The following ZNF592 variants were observed in gnomAD, a reference collection of about 807,000 sequenced individuals.
ZNF592 encodes zinc finger protein 592.
Under a neutral mutation model 80.3 loss-of-function variants are expected in ZNF592, and 11 were observed. The ratio of observed to expected loss-of-function variants is 0.14; its 90% CI spans 0.09 to 0.23. ZNF592 has a LOEUF of 0.23. ZNF592 is among the 10% of genes least tolerant of loss of function. The pLI is 1.00. For synonymous variants in ZNF592, 646 were observed against 640.3 expected (o/e 1.01, Z -0.13); for missense variants, 1,420 against 1,633.9 (o/e 0.87, Z 2.26).
At position 84,802,152 on chromosome 15, in the gene ZNF592, A is replaced by AGGC. The variant is rs1272831224; in HGVS notation, c.3570_3572dup (p.Ala1192dup). 1 of 1,603,832 alleles carries AGGC rather than the reference A, an allele frequency of 6.2e-7. No homozygotes were observed. The highest frequency in any genetic ancestry group is 8.5e-7 in the Non-Finnish European group (1 of 1,172,632). On this transcript the variant is annotated inframe_insertion, in exon 11 of 11. Coordinates refer to ENST00000560079, the MANE Select transcript of ZNF592 (RefSeq NM_014630.3). ...GACCAGGAGGAGGAGGAGGAAGAGGAGGCGGCGGCAGCGGAGATGGCAGTG... is the reference window on the plus strand; with the variant it reads ...GACCAGGAGGAGGAGGAGGAAGAGGAGGCGGCGGCGGCAGCGGAGATGGCAGTG...
intron 2 of ZNF592, among the ~76,000 whole-genome samples, chr15:84,771,537 A>C (rs968124947): frequency 6.6e-6 from 1 of 152,184 alleles, no homozygotes; most frequent in African/African-American, 2.4e-5. Flanking sequence ...ATTGGAATGC[A>C]TCCTCCATGA....
At chr15:84,796,586 T>C (rs1486138700) in intron 5 of ZNF592, among the ~76,000 whole-genome samples, 1 of 151,972 alleles carries the variant, frequency 6.6e-6, no homozygotes, top group Non-Finnish European at 1.5e-5. Flanking sequence ...TATTATTCTC[T>C]GATATCGATA....
At chr15:84,779,312 C>A (rs1340649646) in intron 3 of ZNF592, among the ~76,000 whole-genome samples, 2 of 151,916 alleles carry the variant, frequency 1.3e-5, no homozygotes, top group African/African-American at 4.8e-5. Context: ...TGATTAATTT[C>A]TATTTAAAAA....
chr15:84,769,597 C>T (rs1270114652), intron 2 of ZNF592, among the ~76,000 whole-genome samples: 1 of 151,064 alleles, frequency 6.6e-6, no homozygotes, highest in Non-Finnish European at 1.5e-5. Flanking sequence ...CCTTTGTGTG[C>T]CTGGACAGAC....
intron 3 of ZNF592, among the ~76,000 whole-genome samples, chr15:84,780,733 T>C (rs903233087): frequency 1.3e-5 from 2 of 151,854 alleles, no homozygotes; most frequent in Admixed American, 6.6e-5. Context: ...GATATACCTC[T>C]GCTATGCCAC....
At chr15:84,780,238 C>G (rs1962382794) in intron 3 of ZNF592, among the ~76,000 whole-genome samples, 1 of 152,054 alleles carries the variant, frequency 6.6e-6, no homozygotes, top group South Asian at 2.1e-4. Flanking sequence ...CCACCTACCT[C>G]AGCCTCCCAA....
chr15:84,794,044 A>T (rs534652343), intron 5 of ZNF592, among the ~76,000 whole-genome samples: 100 of 152,220 alleles, frequency 6.6e-4, no homozygotes, highest in African/African-American at 2.3e-3. Context: ...AGCTGGGTCA[A>T]ATAGTAACTC....
rs748483937 is a variant in ZNF592, at chr15:84,801,967, C to T, written c.3378C>T (p.Cys1126=). Residue 1126 remains cysteine (C), a synonymous_variant, in exon 11 of 11, where the codon TGC becomes TGT. Transcript: ENST00000560079. The part of the protein sequence containing the change: ...STKRHKSLFQ[C]AKCSFATDSG... The stretch of plus-strand genomic sequence containing the variant: ...AAAGGCACAAGTCCCTTTTTCAGTG[C>T]GCGAAATGTAGTTTTGCCACAGACT... 102 of 1,613,854 alleles carry T rather than the reference C, an allele frequency of 6.3e-5. 1 individual carries two copies. The Admixed American group carries it at 6.3e-4, about 10-fold the overall frequency.
intron 5 of ZNF592, among the ~76,000 whole-genome samples, 184 bp from the exon 6 acceptor site, chr15:84,797,685 C>T (rs1434810772): frequency 6.6e-6 from 1 of 152,214 alleles, no homozygotes; most frequent in Non-Finnish European, 1.5e-5. Context: ...CCACATTGTG[C>T]TAGACTGTAG....
rs760172345 is a variant in ZNF592, at chr15:84,784,643, C to T, written c.1968C>T (p.Ile656=). 25 of 1,614,098 alleles carry T rather than the reference C, an allele frequency of 1.5e-5. No individual in the cohort carries two copies. Among genetic ancestry groups the T allele is most frequent in the East Asian group, 6.7e-5 (3 of 44,898 alleles). Residue 656 remains isoleucine (I), a synonymous_variant, in exon 4 of 11, where the codon ATC becomes ATT. Transcript: ENST00000560079. The surrounding 1 kb of genome is among the most constrained non-coding windows in gnomAD (Gnocchi z 5.8). ...MQCSQLLVKP[I]SADQMFVSAP... ...GTTCCCAGCTGCTGGTGAAGCCTAT[C>T]TCTGCGGACCAAATGTTCGTGTCGG... is the stretch of plus-strand genomic sequence containing the variant.
Position 84,802,705 on chromosome 15 carries a change from T to A in ZNF592, c.*312T>A. ...GTGGCCCAACCCCACTGCTGTCAAC[T>A]AGGCTTGAACCCCACAGCGGCTGTG... On this transcript the variant is annotated 3_prime_UTR_variant, in exon 11 of 11. Transcript: ENST00000560079. 2.3e-6 allele frequency: 1 copy of A among 430,454 alleles called. No individual in the cohort carries two copies. The allele number at this position is 430,454 out of a possible 1,614,324, so 26.7% of individuals were successfully genotyped here. A position where few individuals can be genotyped will look rare whatever the true frequency, so the allele number is the denominator to read the frequency against.
intron 4 of ZNF592, among the ~76,000 whole-genome samples, chr15:84,785,134 A>C (rs1433780197): frequency 2.6e-5 from 4 of 152,066 alleles, no homozygotes; most frequent in Admixed American, 2.6e-4. Flanking sequence ...GTTCCACTCA[A>C]CTTCCCCTCA....
rs1050881013 is a variant in ZNF592, at chr15:84,798,656, A to G, written c.2805A>G (p.Ser935=). The part of the protein sequence containing the change: ...SSLQSSADTS[S]SRPGSRVPTE... ...TCCAGTCTTCAGCGGACACATCCTCAAGCCGCCCTGGCTCTCGAGTTCCCA... is the reference window on the plus strand; with the variant it reads ...TCCAGTCTTCAGCGGACACATCCTCGAGCCGCCCTGGCTCTCGAGTTCCCA... Residue 935 remains serine (S), a synonymous_variant, in exon 8 of 11, where the codon TCA becomes TCG. Transcript: ENST00000560079. The surrounding 1 kb of genome is among the most constrained non-coding windows in gnomAD (Gnocchi z 4.5). 6 of 1,613,936 alleles carry G rather than the reference A, an allele frequency of 3.7e-6. No homozygotes were observed. Among genetic ancestry groups the G allele is most frequent in the Non-Finnish European group, 5.1e-6 (6 of 1,180,032 alleles).
intron 4 of ZNF592, among the ~76,000 whole-genome samples, chr15:84,789,299 G>A (rs528901032): frequency 6.6e-6 from 1 of 150,578 alleles, no homozygotes; most frequent in South Asian, 2.1e-4. Context: ...TCCATTGTGT[G>A]TACATACCAC....
chr15:84,749,686 G>T (rs1201538704), intron 1 of ZNF592, among the ~76,000 whole-genome samples: 1 of 152,100 alleles, frequency 6.6e-6, no homozygotes, highest in Non-Finnish European at 1.5e-5. Context: ...CTTCTGTCGC[G>T]GGTGCAGTGT....
chr15:84,777,658 TAAAC>T (rs1246631769), intron 2 of ZNF592, among the ~76,000 whole-genome samples: 2 of 146,272 alleles, frequency 1.4e-5, no homozygotes, highest in East Asian at 2.0e-4. Flanking sequence ...AAAATGAAGA[TAAAC>T]AAAAGAGAAA....
At chr15:84,761,303 A>G (rs888763584) in intron 1 of ZNF592, among the ~76,000 whole-genome samples, 4 of 152,184 alleles carry the variant, frequency 2.6e-5, no homozygotes, top group Non-Finnish European at 2.9e-5. Flanking sequence ...CCTGATAAAA[A>G]TGGTGTTTGG....
chr15:84,799,947 A>C lies in ZNF592; in HGVS notation c.3243A>C (p.Lys1081Asn), dbSNP rs1416768291. 1.2e-6 allele frequency: 2 copies of C among 1,614,074 alleles called. No homozygotes were observed. Among genetic ancestry groups the C allele is most frequent in the Admixed American group, 3.3e-5 (2 of 60,008 alleles). Residue 1081 changes from lysine (K) to asparagine (N), a missense_variant, in exon 10 of 11, where the codon AAA becomes AAC. Around this residue, in one of 7 missense-constraint regions of ZNF592, gnomAD observed 331 missense variants for 347.0 expected, o/e 0.95. Coordinates refer to ENST00000560079, the MANE Select transcript of ZNF592 (RefSeq NM_014630.3). The surrounding 1 kb of genome is among the most constrained non-coding windows in gnomAD (Gnocchi z 4.2). The part of the protein sequence containing the change: ...IRNPDLSQTS[K>N]VKPPGGHSPQ... ...ACCCTGATTTGAGCCAGACGTCCAA[A>C]GTGAAACCTCCGGGTGGACATTCCC...
intron 2 of ZNF592, among the ~76,000 whole-genome samples, chr15:84,773,415 T>G (rs997868858): frequency 2.3e-4 from 35 of 152,058 alleles, no homozygotes; most frequent in African/African-American, 8.2e-4. Flanking sequence ...GTTTCACCAT[T>G]TTAGCCAGGA....
Sources: gnomAD v4.1 joint callset for allele counts (sites outside exome capture counted in the v4.1 genomes callset) on GRCh38, gnomAD v4.1.1 for gene constraint, gnomAD v4.1.1 regional missense constraint, Gnocchi (gnomAD v3.1) non-coding constraint, MANE v1.5 for transcripts, NCBI Gene and HGNC (gene_info 2026-07-23, HGNC 2026-07-21) for gene names.